Variants in CMIP observed in about 807,000 individuals in gnomAD.
The protein encoded by CMIP is c-Maf inducing protein, also known as C-Maf-inducing protein.
CMIP carries 13 observed loss-of-function variants against 97.3 expected under a neutral mutation model. The observed-to-expected ratio is 0.13, with a 90% CI of 0.09 to 0.21. The LOEUF (loss-of-function observed/expected upper bound fraction) is 0.21. Among genes scored for constraint, CMIP ranks in the 10% least tolerant of loss-of-function variants. The pLI is 1.00. For synonymous variants in CMIP, 538 were observed against 436.3 expected (o/e 1.23, Z -2.91); for missense variants, 847 against 1,024.9 (o/e 0.83, Z 2.37).
intron 2 of CMIP, among the ~76,000 whole-genome samples, chr16:81,612,558 C>T (rs893456250): frequency 3.3e-5 from 5 of 152,250 alleles, no homozygotes; most frequent in East Asian, 1.9e-4. Context: ...GAAACTGGGC[C>T]GGGGAAGGGG....
chr16:81,551,002 C>A (rs529823367), intron 1 of CMIP, among the ~76,000 whole-genome samples: 2 of 143,716 alleles, frequency 1.4e-5, no homozygotes, highest in Non-Finnish European at 3.0e-5. Context: ...ACCCCAGTCC[C>A]GTCACACGCA....
chr16:81,572,125 T>C (rs1369899331), intron 1 of CMIP, among the ~76,000 whole-genome samples: 1 of 152,204 alleles, frequency 6.6e-6, no homozygotes, highest in Middle Eastern at 3.2e-3. Context: ...CCGGGGGCTC[T>C]TTTGCATGTT....
intron 1 of CMIP, among the ~76,000 whole-genome samples, chr16:81,543,956 G>T (rs999279642): frequency 1.3e-5 from 2 of 152,202 alleles, no homozygotes; most frequent in South Asian, 2.1e-4. Flanking sequence ...TATCTTACTT[G>T]GGAGAACACA....
chr16:81,635,380 ATTTTAATT>A (rs976864461), intron 3 of CMIP, among the ~76,000 whole-genome samples: 1 of 152,168 alleles, frequency 6.6e-6, no homozygotes, highest in Admixed American at 6.5e-5. Flanking sequence ...GGTCGGCTTC[ATTTTAATT>A]TTTTAAAGGT....
intron 3 of CMIP, chr16:81,622,339 G>A (rs1363292576): frequency 6.6e-6 from 1 of 152,212 alleles, no homozygotes; most frequent in Non-Finnish European, 1.5e-5. Context: ...TGATCAGCAG[G>A]TGCTACTGAG....
intron 1 of CMIP, among the ~76,000 whole-genome samples, chr16:81,585,700 C>T (rs911734662): frequency 7.9e-6 from 1 of 126,362 alleles, no homozygotes; most frequent in African/African-American, 2.6e-5. Flanking sequence ...AGTCCACTTC[C>T]CTGGACCTTA....
intron 6 of CMIP, among the ~76,000 whole-genome samples, chr16:81,662,139 GC>G (rs1461783448): frequency 1.3e-5 from 2 of 150,778 alleles, no homozygotes; most frequent in African/African-American, 4.8e-5. Context: ...TGAGAGAACG[GC>G]CAGCTGCTCC....
Position 81,710,267 on chromosome 16 carries a change from C to T in CMIP, c.*468C>T, listed in dbSNP as rs1323989015. Reference sequence around the variant, plus strand: ...TTGGGACAAGAAGACCCAGTCACATCACTGCACCCGTCCTGTGTCCTCACC... The same window carrying T: ...TTGGGACAAGAAGACCCAGTCACATTACTGCACCCGTCCTGTGTCCTCACC... On this transcript the variant is annotated 3_prime_UTR_variant, in exon 21 of 21. Transcript: ENST00000537098. 2.5e-5 allele frequency: 5 copies of T among 197,632 alleles called. No individual in the cohort carries two copies. The East Asian group carries it at 5.2e-4, about 20-fold the overall frequency. The allele number at this position is 197,632 out of a possible 1,614,324, so 12.2% of individuals were successfully genotyped here. A position where few individuals can be genotyped will look rare whatever the true frequency, so the allele number is the denominator to read the frequency against.
intron 1 of CMIP, among the ~76,000 whole-genome samples, chr16:81,516,646 G>C (rs746587727): frequency 6.6e-6 from 1 of 152,202 alleles, no homozygotes; most frequent in Non-Finnish European, 1.5e-5. Context: ...CACTGCTGGG[G>C]ATTGGCTTGC....
intron 1 of CMIP, among the ~76,000 whole-genome samples, chr16:81,538,280 G>A (rs533752672): frequency 6.6e-6 from 1 of 152,332 alleles, no homozygotes; most frequent in African/African-American, 2.4e-5. Context: ...TCATAAAGTA[G>A]AGACACTTAA....
intron 1 of CMIP, among the ~76,000 whole-genome samples, chr16:81,494,236 C>T (rs1277736973): frequency 6.6e-6 from 1 of 152,186 alleles, no homozygotes; most frequent in Non-Finnish European, 1.5e-5. Flanking sequence ...TGATTTCAGA[C>T]TCGTCTTTCA....
At chr16:81,706,922 C>A in intron 19 of CMIP, 92 bp from the exon 20 acceptor site, 2 of 1,041,528 alleles carry the variant, frequency 1.9e-6, no homozygotes, top group Non-Finnish European at 3.0e-6. Flanking sequence ...GGGGGCCTGG[C>A]ACCTGCATTG....
chr16:81,663,219 A>G (rs2151023468), intron 6 of CMIP, among the ~76,000 whole-genome samples: 1 of 152,302 alleles, frequency 6.6e-6, no homozygotes, highest in South Asian at 2.1e-4. Context: ...CATGACTACC[A>G]GAACGTGGAA....
At position 81,664,319 on chromosome 16, in the gene CMIP, C is replaced by T. The variant is rs375905756; in HGVS notation, c.795C>T (p.Pro265=). The T allele has an allele frequency of 8.1e-6, 13 of 1,599,290 alleles. No individual in the cohort carries two copies. The highest frequency in any genetic ancestry group is 2.3e-5 in the East Asian group (1 of 44,026). ...RSMVVIEVFT[P]VVQRILKHNM... is the part of the protein sequence containing the mutation. ...TGGTGGTCATCGAGGTGTTCACCCC[C>T]GTGGTGCAGCGAATCCTCAAGCATA... Residue 265 remains proline (P), a synonymous_variant, in exon 7 of 21, where the codon CCC becomes CCT. Transcript: ENST00000537098.
intron 1 of CMIP, among the ~76,000 whole-genome samples, chr16:81,446,083 A>C (rs1474416660): frequency 6.6e-6 from 1 of 152,076 alleles, no homozygotes; most frequent in Admixed American, 6.5e-5. Flanking sequence ...CAGGGCTGGC[A>C]GGCAGAACGG....
In CMIP at chr16:81,572,040, C is replaced by T. The variant is rs887157677; in HGVS notation, c.301-35527C>T. On this transcript the variant is annotated intron_variant, in intron 1 of 20. Transcript: ENST00000537098. Reference sequence around the variant, plus strand: ...TCGCTCACCAGGACGGCCTTGGCCCCGACCCTGGCACCAGCCCAGGGTGAC... The same window carrying T: ...TCGCTCACCAGGACGGCCTTGGCCCTGACCCTGGCACCAGCCCAGGGTGAC... Among the ~76,000 whole-genome samples the T allele has an allele frequency of 2.6e-5, 4 of 152,210 alleles. No individual in the cohort carries two copies. In the South Asian group the frequency reaches 6.2e-4, roughly 24 times the overall value.
At chr16:81,583,255 G>A (rs759772829) in intron 1 of CMIP, among the ~76,000 whole-genome samples, 14 of 152,226 alleles carry the variant, frequency 9.2e-5, no homozygotes, top group Non-Finnish European at 1.9e-4. Flanking sequence ...CAAGTCCTGG[G>A]CCTCATGTCT....
intron 1 of CMIP, among the ~76,000 whole-genome samples, chr16:81,592,560 C>T (rs567300150): frequency 6.6e-6 from 1 of 152,322 alleles, no homozygotes; most frequent in South Asian, 2.1e-4. Flanking sequence ...CTTTGCACTC[C>T]CCATTACTTT....
rs1443059975 is a variant in CMIP, at chr16:81,616,034, G to T, written c.427-4842G>T. Among the ~76,000 whole-genome samples, 1 of 152,150 alleles carries T rather than the reference G, an allele frequency of 6.6e-6. No individual in the cohort carries two copies. Among genetic ancestry groups the T allele is most frequent in the Non-Finnish European group, 1.5e-5 (1 of 68,018 alleles). On this transcript the variant is annotated intron_variant, in intron 2 of 20. Transcript: ENST00000537098. The surrounding 1 kb of genome is among the most constrained non-coding windows in gnomAD (Gnocchi z 4.7). ...GCAGAAGGAGCCGGGCGCGGTGGGT[G>T]GGAGATCTTGGCTGTCTCTGCCTCC...
Sources: gnomAD v4.1 joint callset for allele counts (sites outside exome capture counted in the v4.1 genomes callset) on GRCh38, gnomAD v4.1.1 for gene constraint, Gnocchi (gnomAD v3.1) non-coding constraint, MANE v1.5 for transcripts, NCBI Gene and HGNC (gene_info 2026-07-23, HGNC 2026-07-21) for gene names.